PDE3B: variants seen among roughly 807,000 people sequenced by gnomAD.
The protein encoded by PDE3B is cGMP-inhibited 3',5'-cyclic phosphodiesterase 3B.
Under a neutral mutation model 116.8 loss-of-function variants are expected in PDE3B, and 66 were observed. That is an observed-to-expected ratio of 0.56 (90% confidence interval 0.46 to 0.69). The LOEUF is 0.69. Ranked by LOEUF, PDE3B falls within the 30% of genes least tolerant of loss-of-function variation. PDE3B has a pLI of 0.00. For synonymous variants in PDE3B, 595 were observed against 533.6 expected (o/e 1.12, Z -1.59); for missense variants, 1,384 against 1,368.1 (o/e 1.01, Z -0.18).
chr11:14,671,607 G>A (rs759744184), intron 1 of PDE3B, among the ~76,000 whole-genome samples: 46 of 152,054 alleles, frequency 3.0e-4, no homozygotes, highest in Non-Finnish European at 4.1e-4. Context: ...GGCTATTGAC[G>A]GAATAGCTAG....
At chr11:14,654,012 A>C (rs944951679) in intron 1 of PDE3B, among the ~76,000 whole-genome samples, 15 of 152,102 alleles carry the variant, frequency 9.9e-5, no homozygotes, top group African/African-American at 2.4e-5. Flanking sequence ...AAAATCCCCC[A>C]AAACCCCAAA....
intron 1 of PDE3B, among the ~76,000 whole-genome samples, chr11:14,671,606 C>A (rs187819803): frequency 6.6e-6 from 1 of 151,962 alleles, no homozygotes; most frequent in Admixed American, 6.6e-5. Flanking sequence ...GGGCTATTGA[C>A]GGAATAGCTA....
At chr11:14,850,287 A>G (rs533227743) in intron 12 of PDE3B, among the ~76,000 whole-genome samples, 3 of 151,892 alleles carry the variant, frequency 2.0e-5, no homozygotes, top group East Asian at 1.9e-4. Context: ...GAATTGAACA[A>G]TGAGAACACA....
intron 1 of PDE3B, among the ~76,000 whole-genome samples, chr11:14,691,028 A>T (rs1299423082): frequency 1.3e-5 from 2 of 152,190 alleles, no homozygotes; most frequent in Non-Finnish European, 2.9e-5. Context: ...CAATAGCAAG[A>T]GAGGTTAAAG....
intron 12 of PDE3B, among the ~76,000 whole-genome samples, chr11:14,852,347 T>C (rs1847769849): frequency 6.6e-6 from 1 of 152,220 alleles, no homozygotes; most frequent in African/African-American, 2.4e-5. Flanking sequence ...TGAGCTACCA[T>C]GCCGGCCTAC....
At chr11:14,889,895 G>A in the PDE3B span, among the ~76,000 whole-genome samples, 1 of 152,220 alleles carries the variant, frequency 6.6e-6, no homozygotes, top group Admixed American at 6.5e-5. Context: ...TTGGGAGGCC[G>A]AGGCGGGCAG....
chr11:14,793,221 A>G (rs1858446478), intron 4 of PDE3B, among the ~76,000 whole-genome samples: 1 of 152,156 alleles, frequency 6.6e-6, no homozygotes, highest in African/African-American at 2.4e-5. Flanking sequence ...GTTTTAGTAC[A>G]GGTTGAATAT....
intron 14 of PDE3B, among the ~76,000 whole-genome samples, chr11:14,865,141 A>T (rs1306325556): frequency 6.6e-6 from 1 of 152,220 alleles, no homozygotes; most frequent in East Asian, 1.9e-4. Flanking sequence ...ATAAAAAATG[A>T]TAAAGGGGAA....
chr11:14,745,494 T>C (rs1304465817), intron 1 of PDE3B, among the ~76,000 whole-genome samples: 1 of 152,136 alleles, frequency 6.6e-6, no homozygotes, highest in Non-Finnish European at 1.5e-5. Context: ...TCTTTGTATT[T>C]AGCTACATAA....
intron 4 of PDE3B, among the ~76,000 whole-genome samples, chr11:14,797,181 G>A (rs59474085): frequency 0.012 from 1,846 of 152,238 alleles, 37 homozygotes; most frequent in African/African-American, 0.042. Context: ...GTAGATGTGT[G>A]GTGTTATTTC....
At chr11:14,669,379 T>C (rs1854293378) in intron 1 of PDE3B, among the ~76,000 whole-genome samples, 1 of 152,072 alleles carries the variant, frequency 6.6e-6, no homozygotes, top group Admixed American at 6.6e-5. Flanking sequence ...GCTTTGGATA[T>C]AAACAAGAGT....
At chr11:14,828,153 A>G (rs962107113) in intron 7 of PDE3B, among the ~76,000 whole-genome samples, 3 of 152,178 alleles carry the variant, frequency 2.0e-5, no homozygotes, top group African/African-American at 4.8e-5. Flanking sequence ...TCCTTACACC[A>G]TATACAAAAA....
At chr11:14,825,204 A>T (rs1859649641) in intron 7 of PDE3B, among the ~76,000 whole-genome samples, 1 of 152,146 alleles carries the variant, frequency 6.6e-6, no homozygotes, top group South Asian at 2.1e-4. Flanking sequence ...AAGTACACAG[A>T]CCCAGTGATG....
At chr11:14,651,331 G>A (rs1398567014) in intron 1 of PDE3B, among the ~76,000 whole-genome samples, 1 of 152,028 alleles carries the variant, frequency 6.6e-6, no homozygotes, top group Non-Finnish European at 1.5e-5. Flanking sequence ...ATATTGGATT[G>A]GGGTCCACCC....
chr11:14,820,234 T>TG (rs1859477701), intron 7 of PDE3B, among the ~76,000 whole-genome samples: 1 of 148,106 alleles, frequency 6.8e-6, no homozygotes, highest in Admixed American at 6.7e-5. Context: ...AACTCATTCT[T>TG]TTTTTTTTTT....
At chr11:14,714,411 G>T (rs1299742932) in intron 1 of PDE3B, among the ~76,000 whole-genome samples, 1 of 151,768 alleles carries the variant, frequency 6.6e-6, no homozygotes, top group Non-Finnish European at 1.5e-5. Flanking sequence ...CGTGGTGGCA[G>T]TGCCTGTCGT....
intron 5 of PDE3B, among the ~76,000 whole-genome samples, chr11:14,806,858 C>CAAAAAAAAAAA (rs953411145): frequency 2.0e-4 from 9 of 45,856 alleles, no homozygotes; most frequent in South Asian, 7.6e-4. Context: ...GACTCCGTCT[C>CAAAAAAAAAAA]AAAAAAAAAA....
chr11:14,888,298 G>C, the PDE3B span, among the ~76,000 whole-genome samples: 1,121 of 152,222 alleles, frequency 7.4e-3, 10 homozygotes, highest in Non-Finnish European at 7.5e-3. Context: ...TATATCTCTA[G>C]CACCTAGGAC....
the PDE3B span, chr11:14,892,183 T>C: frequency 1.2e-6 from 2 of 1,610,424 alleles, no homozygotes; most frequent in East Asian, 2.2e-5. Flanking sequence ...CGCGCCCTCT[T>C]CAGCTCTCCA....
Sources: allele counts gnomAD v4.1 joint callset (sites outside exome capture counted in the v4.1 genomes callset), GRCh38; gene constraint gnomAD v4.1.1; transcripts MANE v1.5; gene names NCBI Gene and HGNC (gene_info 2026-07-23, HGNC 2026-07-21).